SLIT3: variants seen among roughly 807,000 people sequenced by gnomAD.
The protein encoded by SLIT3 is slit guidance ligand 3.
SLIT3 carries 68 observed loss-of-function variants against 184.0 expected under a neutral mutation model. The ratio of observed to expected loss-of-function variants is 0.37; its 90% CI spans 0.30 to 0.45. The LOEUF is 0.45. SLIT3 is among the 20% of genes least tolerant of loss of function. SLIT3 has a pLI of 1.00. For missense variants in SLIT3, 1,707 were observed against 2,026.0 expected, an observed-to-expected ratio of 0.84 and a Z score of 3.02; for synonymous variants, 831 against 828.6, an observed-to-expected ratio of 1.00 and a Z score of -0.05.
At chr5:169,294,540 C>T (rs1379761952) in intron 1 of SLIT3, among the ~76,000 whole-genome samples, 4 of 152,212 alleles carry the variant, frequency 2.6e-5, no homozygotes, top group African/African-American at 9.7e-5. Context: ...CCACAGGGCT[C>T]TGGGTTGGAG....
chr5:168,665,172 A>ACTT lies in SLIT3; in HGVS notation c.*1279_*1281dup, dbSNP rs1447570448. On this transcript the variant is annotated 3_prime_UTR_variant, in exon 36 of 36. Transcript: ENST00000519560. ...AGTTCCAGAGCCTGTGAGGGCCTAA[A>ACTT]CTTCCTTCTTAGTGAACCCAGCTCT... The ACTT allele has an allele frequency of 2.6e-5, 4 of 152,126 alleles. No homozygotes were observed. The highest frequency in any genetic ancestry group is 4.4e-5 in the Non-Finnish European group (3 of 68,028). The allele number at this position is 152,126 out of a possible 1,614,324, so 9.4% of individuals were successfully genotyped here.
At chr5:168,716,029 A>G (rs1201724629) in intron 23 of SLIT3, among the ~76,000 whole-genome samples, 1 of 151,864 alleles carries the variant, frequency 6.6e-6, no homozygotes, top group Non-Finnish European at 1.5e-5. Flanking sequence ...GTGCAGTGGC[A>G]TGATCTTGGC....
At chr5:168,679,430 T>C (rs545156835) in intron 32 of SLIT3, among the ~76,000 whole-genome samples, 93 of 152,268 alleles carry the variant, frequency 6.1e-4, no homozygotes, top group African/African-American at 2.1e-3. Flanking sequence ...TGCTACCCTA[T>C]GCTAAGCAGT....
chr5:168,978,464 C>T (rs1322909496), intron 4 of SLIT3, among the ~76,000 whole-genome samples: 2 of 152,134 alleles, frequency 1.3e-5, no homozygotes, highest in South Asian at 2.1e-4. Flanking sequence ...CCTCCTCCAC[C>T]CTTTGATTTT....
rs1377829010 is a variant in SLIT3, at chr5:168,722,345, T to A, written c.2412-18A>T. 7 of 1,611,630 alleles carry A rather than the reference T, an allele frequency of 4.3e-6. No homozygotes were observed. Among genetic ancestry groups the A allele is most frequent in the African/African-American group, 2.7e-5 (2 of 74,886 alleles). On this transcript the variant is annotated intron_variant, in intron 22 of 35. Coordinates refer to ENST00000519560, the MANE Select transcript of SLIT3 (RefSeq NM_003062.4). ...TCAGGATCCTGTGGAAAAGGAGGCA[T>A]GTGCCCTGTTGTGTCTTTCTATTCT...
chr5:169,000,428 G>C (rs887608425), intron 4 of SLIT3, among the ~76,000 whole-genome samples: 1 of 141,920 alleles, frequency 7.0e-6, no homozygotes, highest in African/African-American at 2.7e-5. Context: ...GATTTGTAAA[G>C]GATATTAACG....
intron 20 of SLIT3, among the ~76,000 whole-genome samples, chr5:168,728,298 A>C (rs1216602639): frequency 6.7e-6 from 1 of 150,288 alleles, no homozygotes; most frequent in Non-Finnish European, 1.5e-5. Flanking sequence ...ATATATATAT[A>C]TATCCTCAGA....
rs770821966 is a variant in SLIT3, at chr5:168,806,437, T to C, written c.935+9A>G. On this transcript the variant is annotated intron_variant, in intron 9 of 35. Transcript: ENST00000519560. ...ACAGTTGTTGGGGGTGTCAGACAGG[T>C]GCACTTACATTTCGACGATGCCCTC... The C allele has an allele frequency of 2.2e-5, 35 of 1,613,998 alleles. No homozygotes were observed. Among genetic ancestry groups the C allele is most frequent in the East Asian group, 1.1e-4 (5 of 44,894 alleles).
At chr5:168,911,545 G>A (rs1009124588) in intron 4 of SLIT3, among the ~76,000 whole-genome samples, 2 of 152,196 alleles carry the variant, frequency 1.3e-5, no homozygotes. Flanking sequence ...TACAAGTCAT[G>A]TCAGCATAAT....
At chr5:168,933,283 C>A (rs984278554) in intron 4 of SLIT3, among the ~76,000 whole-genome samples, 3 of 151,686 alleles carry the variant, frequency 2.0e-5, no homozygotes, top group African/African-American at 7.3e-5. Context: ...GTGGCTCAAG[C>A]CTGTAATCCT....
intron 19 of SLIT3, among the ~76,000 whole-genome samples, chr5:168,748,688 A>G (rs962824259): frequency 6.6e-6 from 1 of 152,148 alleles, no homozygotes; most frequent in Non-Finnish European, 1.5e-5. Context: ...ACCGTTAACC[A>G]TATCAGGAAT....
At chr5:169,108,892 G>C (rs1002290438) in intron 4 of SLIT3, among the ~76,000 whole-genome samples, 1 of 152,210 alleles carries the variant, frequency 6.6e-6, no homozygotes, top group African/African-American at 2.4e-5. Context: ...GTGAAGAAAA[G>C]ACTGTCAGTA....
intron 4 of SLIT3, among the ~76,000 whole-genome samples, chr5:169,093,898 TA>T (rs1455223083): frequency 6.6e-6 from 1 of 152,216 alleles, no homozygotes; most frequent in Non-Finnish European, 1.5e-5. Flanking sequence ...TCTTAAAAAG[TA>T]CTAAGAATAG....
chr5:169,249,628 A>G (rs185601060), intron 2 of SLIT3, among the ~76,000 whole-genome samples: 66 of 152,364 alleles, frequency 4.3e-4, no homozygotes, highest in Admixed American at 2.0e-3. Flanking sequence ...AAGGTAAACA[A>G]GCATCTATTT....
intron 20 of SLIT3, among the ~76,000 whole-genome samples, chr5:168,735,265 C>T (rs1157310645): frequency 1.3e-5 from 2 of 152,170 alleles, no homozygotes; most frequent in Non-Finnish European, 2.9e-5. Context: ...GTTCCCCATT[C>T]CTGTTTGGAG....
At chr5:168,734,918 T>C (rs770596022) in intron 20 of SLIT3, among the ~76,000 whole-genome samples, 1 of 152,206 alleles carries the variant, frequency 6.6e-6, no homozygotes, top group Non-Finnish European at 1.5e-5. Context: ...CAGTGCAGAA[T>C]GTCCCCGGCG....
intron 4 of SLIT3, among the ~76,000 whole-genome samples, chr5:169,076,952 G>GCA (rs963743208): frequency 6.0e-5 from 9 of 150,800 alleles, no homozygotes; most frequent in Non-Finnish European, 8.9e-5. Flanking sequence ...ATACACACAC[G>GCA]CACACACACA....
At chr5:169,125,894 C>T (rs770649570) in intron 4 of SLIT3, among the ~76,000 whole-genome samples, 2 of 152,150 alleles carry the variant, frequency 1.3e-5, no homozygotes, top group Non-Finnish European at 2.9e-5. Flanking sequence ...CAGGTAGAGA[C>T]GAAACCAGCT....
chr5:169,263,026 T>C (rs966514150), intron 1 of SLIT3, among the ~76,000 whole-genome samples: 1 of 152,206 alleles, frequency 6.6e-6, no homozygotes, highest in African/African-American at 2.4e-5. Flanking sequence ...CCTAATCCAA[T>C]AGGACTGGTG....
Sources: allele counts gnomAD v4.1 joint callset (sites outside exome capture counted in the v4.1 genomes callset), GRCh38; gene constraint gnomAD v4.1.1; transcripts MANE v1.5; gene names NCBI Gene and HGNC (gene_info 2026-07-23, HGNC 2026-07-21).